The following ABCC9 variants were observed in gnomAD, a reference collection of about 807,000 sequenced individuals.
ABCC9 encodes the protein ATP-binding cassette sub-family C member 9.
In ABCC9, 95 loss-of-function variants were observed where a neutral mutation model predicts 188.3. The observed-to-expected ratio is 0.50, with a 90% CI of 0.43 to 0.60. ABCC9 has a LOEUF of 0.60. Ranked by LOEUF, ABCC9 falls within the 20% of genes least tolerant of loss-of-function variation. The pLI, the probability that ABCC9 is intolerant of heterozygous loss-of-function variation, is 0.00. For missense variants in ABCC9, 1,102 were observed against 1,876.3 expected (o/e 0.59, Z 7.62); for synonymous variants, 659 against 652.7 (o/e 1.01, Z -0.15).
At chr12:21,838,228 T>G (rs1944203544) in intron 29 of ABCC9, 58 bp from the exon 30 acceptor site, 7 of 1,195,220 alleles carry the variant, frequency 5.9e-6, no homozygotes, top group Non-Finnish European at 8.8e-6. Context: ...AAGACTACCA[T>G]GTTTATTCTT....
intron 16 of ABCC9, among the ~76,000 whole-genome samples, chr12:21,876,353 C>A (rs746086361): frequency 2.0e-5 from 3 of 152,104 alleles, no homozygotes; most frequent in Non-Finnish European, 4.4e-5. Flanking sequence ...CAGACAATTC[C>A]CCAAATCCTA....
intron 30 of ABCC9, among the ~76,000 whole-genome samples, chr12:21,833,489 T>C (rs1402273600): frequency 6.6e-6 from 1 of 152,136 alleles, no homozygotes; most frequent in Non-Finnish European, 1.5e-5. Flanking sequence ...ATTATGCTCA[T>C]GTGTCTAGGG....
At chr12:21,889,419 T>G (rs897089070) in intron 14 of ABCC9, among the ~76,000 whole-genome samples, 1 of 152,186 alleles carries the variant, frequency 6.6e-6, no homozygotes, top group Non-Finnish European at 1.5e-5. Context: ...TTCTTATGTT[T>G]TGAAAAGATT....
intron 38 of ABCC9, among the ~76,000 whole-genome samples, chr12:21,806,292 AT>A (rs1941839195): frequency 6.6e-6 from 1 of 152,180 alleles, no homozygotes; most frequent in South Asian, 2.1e-4. Flanking sequence ...TGGGTGATAG[AT>A]TTATTTCCAG....
chr12:21,841,395 G>A (rs566923065), intron 29 of ABCC9, among the ~76,000 whole-genome samples: 1 of 112,406 alleles, frequency 8.9e-6, no homozygotes, highest in Non-Finnish European at 1.7e-5. Flanking sequence ...GTCTCACTCT[G>A]TCACCCAGGC....
chr12:21,847,631 T>C (rs1338368619), intron 25 of ABCC9, among the ~76,000 whole-genome samples: 1 of 152,138 alleles, frequency 6.6e-6, no homozygotes, highest in Non-Finnish European at 1.5e-5. Flanking sequence ...TTCCAGTCAA[T>C]CTTTTTTTCC....
At chr12:21,813,327 A>G (rs529570724) in intron 35 of ABCC9, among the ~76,000 whole-genome samples, 1 of 152,276 alleles carries the variant, frequency 6.6e-6, no homozygotes, top group Admixed American at 6.5e-5. Flanking sequence ...TTGTGCAGAG[A>G]CCATATTGCC....
chr12:21,900,115 C>T (rs1438300242), intron 12 of ABCC9, among the ~76,000 whole-genome samples: 1 of 152,188 alleles, frequency 6.6e-6, no homozygotes, highest in East Asian at 1.9e-4. Context: ...ACGAAGCTTC[C>T]AGAGGACCGA....
chr12:21,904,028 A>G (rs1369218629), intron 12 of ABCC9, among the ~76,000 whole-genome samples: 2 of 152,218 alleles, frequency 1.3e-5, no homozygotes, highest in Non-Finnish European at 2.9e-5. Flanking sequence ...ACTTCAAACC[A>G]TACTACAAGG....
At chr12:21,894,691 C>T (rs1156820173) in intron 13 of ABCC9, among the ~76,000 whole-genome samples, 2 of 152,050 alleles carry the variant, frequency 1.3e-5, no homozygotes, top group Non-Finnish European at 2.9e-5. Flanking sequence ...CTCACTGCAG[C>T]CTCGACCTCC....
At chr12:21,858,947 A>C (rs1295515852) in intron 22 of ABCC9, among the ~76,000 whole-genome samples, 1 of 152,182 alleles carries the variant, frequency 6.6e-6, no homozygotes, top group Non-Finnish European at 1.5e-5. Flanking sequence ...CCTGCTGGAG[A>C]GACCAAAATA....
At chr12:21,921,681 C>T (rs191944581) in intron 5 of ABCC9, among the ~76,000 whole-genome samples, 4 of 152,066 alleles carry the variant, frequency 2.6e-5, no homozygotes, top group Admixed American at 6.6e-5. Context: ...CCAATATTTT[C>T]GTGTAGTAGT....
At chr12:21,859,281 CT>C (rs1945385438) in intron 22 of ABCC9, among the ~76,000 whole-genome samples, 1 of 152,104 alleles carries the variant, frequency 6.6e-6, no homozygotes, top group Non-Finnish European at 1.5e-5. Context: ...AATAAGAAGA[CT>C]TATGATCCTG....
At chr12:21,846,956 G>A (rs1944700820) in intron 25 of ABCC9, among the ~76,000 whole-genome samples, 1 of 150,634 alleles carries the variant, frequency 6.6e-6, no homozygotes, top group South Asian at 2.1e-4. Context: ...CTTAAGACTT[G>A]AGTTGAGTCT....
rs10770864 is a variant in ABCC9, at chr12:21,908,498, T to C, written c.1321-287A>G. Among the ~76,000 whole-genome samples, 151,781 of 152,028 alleles carry C rather than the reference T, an allele frequency of 1. 75,767 individuals are homozygous for C. The highest frequency in any genetic ancestry group is 1 in the Middle Eastern group (294 of 294). ...GTCAAACCAATGTATTGCATGAATT[T>C]GCAAAGTGGTCCCATGACACTTCCA... On this transcript the variant is annotated intron_variant, in intron 10 of 39. Coordinates refer to ENST00000261200, the MANE Select transcript of ABCC9 (RefSeq NM_020297.4).
chr12:21,897,036 C>G (rs914305205), intron 12 of ABCC9, among the ~76,000 whole-genome samples: 2 of 152,228 alleles, frequency 1.3e-5, no homozygotes, highest in Non-Finnish European at 2.9e-5. Flanking sequence ...ACATTCCCAT[C>G]AACAGTGTAA....
At chr12:21,906,412 G>T in intron 11 of ABCC9, 124 bp from the exon 12 acceptor site, 1 of 962,982 alleles carries the variant, frequency 1.0e-6, no homozygotes, top group South Asian at 1.6e-5. Flanking sequence ...TCACTAATTA[G>T]GTTGTGAAGT....
At chr12:21,920,176 GAACCAGAGA>G (rs1289272111) in intron 5 of ABCC9, among the ~76,000 whole-genome samples, 1 of 151,854 alleles carries the variant, frequency 6.6e-6, no homozygotes, top group Non-Finnish European at 1.5e-5. Flanking sequence ...CTAAAATCAG[GAACCAGAGA>G]GGATTTCAGT....
intron 12 of ABCC9, among the ~76,000 whole-genome samples, chr12:21,899,331 G>A (rs1181833389): frequency 1.3e-5 from 2 of 152,144 alleles, no homozygotes; most frequent in African/African-American, 4.8e-5. Flanking sequence ...ATTTCGAGGG[G>A]GTTGCAAGAT....
Sources: allele counts gnomAD v4.1 joint callset (sites outside exome capture counted in the v4.1 genomes callset), GRCh38; gene constraint gnomAD v4.1.1; transcripts MANE v1.5; gene names NCBI Gene and HGNC (gene_info 2026-07-23, HGNC 2026-07-21).